The following PARP11 variants were observed in gnomAD, a reference collection of about 807,000 sequenced individuals.
The protein encoded by PARP11 is protein mono-ADP-ribosyltransferase PARP11.
PARP11 carries 31 observed loss-of-function variants against 42.9 expected under a neutral mutation model. The observed-to-expected ratio is 0.72, with a 90% CI of 0.54 to 0.98. The LOEUF is 0.98. PARP11 is among the 50% of genes least tolerant of loss of function. The pLI is 0.00. For synonymous variants in PARP11, 137 were observed against 127.3 expected (o/e 1.08, Z -0.51); for missense variants, 365 against 413.1 (o/e 0.88, Z 1.01).
intron 1 of PARP11, among the ~76,000 whole-genome samples, chr12:3,852,367 G>A (rs999278968): frequency 1.3e-5 from 2 of 152,134 alleles, no homozygotes; most frequent in African/African-American, 4.8e-5. Context: ...TGAACCCATC[G>A]CAAGGAAGCT....
chr12:3,823,465 A>G (rs1565533900), intron 4 of PARP11, among the ~76,000 whole-genome samples: 1 of 152,168 alleles, frequency 6.6e-6, no homozygotes. Context: ...AGAGAGCATC[A>G]TTATTCCTAG....
Position 3,822,077 on chromosome 12 carries a change from G to A in PARP11, c.417+8C>T. The A allele has an allele frequency of 6.2e-7, 1 of 1,612,730 alleles. No individual in the cohort carries two copies. Among genetic ancestry groups the A allele is most frequent in the Non-Finnish European group, 8.5e-7 (1 of 1,179,184 alleles). ...TTCATGGGTATATTCAGTCAATTCT[G>A]CTCTTACCTGATATGGTACTTGAGT... On this transcript the variant is annotated splice_region_variant and intron_variant, in intron 5 of 7. Coordinates refer to ENST00000228820, the MANE Select transcript of PARP11 (RefSeq NM_020367.6).
chr12:3,816,899 C>T (rs183288303), intron 6 of PARP11, among the ~76,000 whole-genome samples: 1 of 152,200 alleles, frequency 6.6e-6, no homozygotes, highest in Non-Finnish European at 1.5e-5. Flanking sequence ...AAGACTCCAT[C>T]TCAAAAAGAA....
chr12:3,820,559 T>C (rs1428425318), intron 6 of PARP11, among the ~76,000 whole-genome samples: 1 of 152,188 alleles, frequency 6.6e-6, no homozygotes, highest in Non-Finnish European at 1.5e-5. Flanking sequence ...CACTGGTACA[T>C]TTTTACCACT....
intron 1 of PARP11, chr12:3,872,791 A>G: frequency 1.0e-6 from 1 of 985,338 alleles, no homozygotes; most frequent in Non-Finnish European, 1.2e-6. Flanking sequence ...AGCAAAACAC[A>G]AAGTTTCAAA....
rs902820544 is a variant in PARP11 at position 3,821,737 on chromosome 12, C to T, written c.548+136G>A. 43 of 896,160 alleles carry T rather than the reference C, an allele frequency of 4.8e-5. No homozygotes were observed. In the African/African-American group the frequency reaches 6.4e-4, roughly 13 times the overall value. The allele number at this position is 896,160 out of a possible 1,614,324, so 55.5% of individuals were successfully genotyped here. On this transcript the variant is annotated intron_variant, in intron 6 of 7. Coordinates refer to ENST00000228820, the MANE Select transcript of PARP11 (RefSeq NM_020367.6). ...TCACTCCCTGAGAATGCTGAAGAGC[C>T]TTGAGACCAGGTCAAAATACGGCAA...
intron 1 of PARP11, among the ~76,000 whole-genome samples, chr12:3,838,947 T>G (rs896443631): frequency 3.9e-5 from 6 of 151,928 alleles, no homozygotes; most frequent in African/African-American, 1.2e-4. Flanking sequence ...CGAGGAAACT[T>G]GTGGGGGCGG....
At chr12:3,857,362 C>A (rs547827277) in intron 1 of PARP11, among the ~76,000 whole-genome samples, 2 of 152,184 alleles carry the variant, frequency 1.3e-5, no homozygotes, top group South Asian at 4.2e-4. Flanking sequence ...CAGAGAAATT[C>A]ATTGATGAGT....
At chr12:3,839,964 T>C in intron 1 of PARP11, 4 of 1,360,978 alleles carry the variant, frequency 2.9e-6, no homozygotes, top group Non-Finnish European at 4.2e-6. Flanking sequence ...CTGATGTGAA[T>C]GGATTTAAAC....
At chr12:3,852,680 G>C (rs2138097327) in intron 1 of PARP11, among the ~76,000 whole-genome samples, 1 of 152,312 alleles carries the variant, frequency 6.6e-6, no homozygotes, top group African/African-American at 2.4e-5. Flanking sequence ...AAGTGACGGG[G>C]CGAATGGAAC....
At chr12:3,862,569 C>G (rs545875344) in intron 1 of PARP11, among the ~76,000 whole-genome samples, 70 of 148,720 alleles carry the variant, frequency 4.7e-4, no homozygotes, top group Admixed American at 1.1e-3. Context: ...ATAAATTTTT[C>G]TATACTATAT....
At chr12:3,839,464 T>C (rs1947843372) in intron 1 of PARP11, 2 of 1,612,234 alleles carry the variant, frequency 1.2e-6, no homozygotes, top group East Asian at 2.2e-5. Flanking sequence ...GGAGCAGGTA[T>C]TGCACTCTCA....
chr12:3,873,296 T>C lies in PARP11; in HGVS notation c.-67A>G. ...CTAGCCGCGGGGCCTGGGTGTTGGA[T>C]TTTTTTTTTTCCCGCGGGTCCCCGG... On this transcript the variant is annotated 5_prime_UTR_variant, in exon 1 of 8. Transcript: ENST00000228820. The C allele has an allele frequency of 1.2e-6, 1 of 826,826 alleles. No individual in the cohort carries two copies. Among genetic ancestry groups the C allele is most frequent in the Non-Finnish European group, 1.7e-6 (1 of 604,596 alleles). The allele number at this position is 826,826 out of a possible 1,614,324, so 51.2% of individuals were successfully genotyped here.
intron 7 of PARP11, among the ~76,000 whole-genome samples, chr12:3,812,786 G>A (rs1947210497): frequency 6.6e-6 from 1 of 152,050 alleles, no homozygotes; most frequent in Admixed American, 6.6e-5. Context: ...TTAAAAGTGT[G>A]GTTGGACCTG....
At chr12:3,823,461 C>T (rs7958341) in intron 4 of PARP11, among the ~76,000 whole-genome samples, 53,369 of 151,984 alleles carry the variant, frequency 0.35, 11,041 homozygotes, top group East Asian at 0.73. Flanking sequence ...GCATAGAGAG[C>T]ATCATTATTC....
chr12:3,853,111 C>T (rs1254821761), intron 1 of PARP11, among the ~76,000 whole-genome samples: 1 of 152,164 alleles, frequency 6.6e-6, no homozygotes, highest in East Asian at 1.9e-4. Context: ...ACCAGGCCTG[C>T]CTTACAAGAG....
chr12:3,835,695 T>A (rs1947747920), intron 1 of PARP11, among the ~76,000 whole-genome samples: 1 of 152,044 alleles, frequency 6.6e-6, no homozygotes, highest in South Asian at 2.1e-4. Flanking sequence ...AAGAGAGAAA[T>A]AATTTAAGAT....
Position 3,839,579 on chromosome 12 carries a change from G to T in PARP11, c.19-9561C>A, listed in dbSNP as rs1230118526. On this transcript the variant is annotated intron_variant, in intron 1 of 7. Coordinates refer to ENST00000228820, the MANE Select transcript of PARP11 (RefSeq NM_020367.6). ...GGATCATTTGAAGGATATTTAAAGC[G>T]CTTGGAAAATCCACAGGAATGGGTA... 8 of 1,385,052 alleles carry T rather than the reference G, an allele frequency of 5.8e-6. 1 individual carries two copies. The highest frequency in any genetic ancestry group is 1.4e-5 in the African/African-American group (1 of 70,340). The allele number at this position is 1,385,052 out of a possible 1,614,324, so 85.8% of individuals were successfully genotyped here.
chr12:3,839,674 GT>G (rs1947847421), intron 1 of PARP11: 2 of 973,520 alleles, frequency 2.1e-6, no homozygotes, highest in Non-Finnish European at 3.4e-6. Flanking sequence ...GGAACCTAAT[GT>G]TTCTCCTTCA....
Sources: gnomAD v4.1 joint callset for allele counts (sites outside exome capture counted in the v4.1 genomes callset) on GRCh38, gnomAD v4.1.1 for gene constraint, MANE v1.5 for transcripts, NCBI Gene and HGNC (gene_info 2026-07-23, HGNC 2026-07-21) for gene names.